LGR6: variants seen among roughly 807,000 people sequenced by gnomAD.
LGR6 encodes the protein leucine rich repeat containing G protein-coupled receptor 6.
Under a neutral mutation model 69.4 loss-of-function variants are expected in LGR6, and 45 were observed. The observed-to-expected ratio is 0.65, with a 90% CI of 0.51 to 0.83. The LOEUF (loss-of-function observed/expected upper bound fraction) is 0.83. LGR6 is among the 40% of genes least tolerant of loss of function. The pLI is 0.00. For synonymous variants in LGR6, 538 were observed against 555.0 expected (o/e 0.97, Z 0.43); for missense variants, 1,108 against 1,246.7 (o/e 0.89, Z 1.68).
intron 12 of LGR6, 48 bp from the exon 13 acceptor site, chr1:202,306,820 G>A (rs374371319): frequency 1.4e-5 from 22 of 1,562,422 alleles, no homozygotes; most frequent in Non-Finnish European, 1.9e-5. Flanking sequence ...ATGGAGCGGA[G>A]CCAGGGTCTG....
chr1:202,235,524 T>C (rs1384953195), intron 3 of LGR6, among the ~76,000 whole-genome samples: 1 of 152,196 alleles, frequency 6.6e-6, no homozygotes, highest in Non-Finnish European at 1.5e-5. Context: ...ACCTTTAGCC[T>C]TTCAGATGAA....
chr1:202,252,335 T>A (rs917347967), intron 4 of LGR6, among the ~76,000 whole-genome samples: 4 of 152,060 alleles, frequency 2.6e-5, no homozygotes, highest in African/African-American at 9.7e-5. Flanking sequence ...AATACAGCCC[T>A]CTCCTCCTCC....
At chr1:202,299,912 T>C (rs1210942578) in intron 7 of LGR6, among the ~76,000 whole-genome samples, 1 of 152,216 alleles carries the variant, frequency 6.6e-6, no homozygotes, top group Non-Finnish European at 1.5e-5. Context: ...TTTTCCCAAC[T>C]AACCAAACAC....
At chr1:202,212,317 G>T (rs1160178879) in intron 1 of LGR6, among the ~76,000 whole-genome samples, 1 of 152,178 alleles carries the variant, frequency 6.6e-6, no homozygotes, top group Non-Finnish European at 1.5e-5. Flanking sequence ...AAGGACAGGA[G>T]GAAGCCACAG....
At chr1:202,247,812 C>T (rs2148048319) in intron 4 of LGR6, among the ~76,000 whole-genome samples, 1 of 152,284 alleles carries the variant, frequency 6.6e-6, no homozygotes, top group East Asian at 1.9e-4. Context: ...TGGGAGTATC[C>T]TCAGAGAATC....
rs548676284 is a variant in LGR6 at position 202,193,909 on chromosome 1, G to A, written c.-81G>A. The A allele has an allele frequency of 4.2e-6, 4 of 943,226 alleles. No homozygotes were observed. In the South Asian group the frequency reaches 1.2e-4, roughly 28 times the overall value. 58.4% of individuals were successfully genotyped at this position (943,226 alleles called of 1,614,324 possible). On this transcript the variant is annotated 5_prime_UTR_variant, in exon 1 of 18. Coordinates refer to ENST00000367278, the MANE Select transcript of LGR6 (RefSeq NM_001017403.2). ...TCCCCACCGACGGTGCAGCCCGCCG[G>A]GACCGGGAGGAAGCAGCTGCGGCCA...
intron 4 of LGR6, 146 bp from the exon 5 acceptor site, chr1:202,276,160 A>G (rs890310551): frequency 7.1e-5 from 45 of 635,642 alleles, no homozygotes; most frequent in Middle Eastern, 8.5e-4. Flanking sequence ...AAGAGGCGGG[A>G]TACAGGATAC....
intron 1 of LGR6, among the ~76,000 whole-genome samples, chr1:202,203,380 G>A (rs747546171): frequency 3.3e-5 from 5 of 152,180 alleles, no homozygotes; most frequent in Non-Finnish European, 7.4e-5. Flanking sequence ...GAAGAACAGC[G>A]CAGTTCGGTA....
In LGR6 at chr1:202,319,028, G is replaced by A. The variant is rs759945217; in HGVS notation, c.2725G>A (p.Ala909Thr). The change falls in exon 18 of 18, where the codon GCC becomes ACC. Residue 909 changes from alanine (A) to threonine (T), a missense_variant. Transcript: ENST00000367278. ...CCTCATCTCCTGTCAGCAGCCAGGG[G>A]CCCCCAGGCTGGAGGGCAGCCATTG... Reference protein sequence around the residue: ...VTLISCQQPGAPRLEGSHCVE... With the variant: ...VTLISCQQPGTPRLEGSHCVE... The A allele has an allele frequency of 3.7e-6, 6 of 1,614,000 alleles. No homozygotes were observed. The highest frequency in any genetic ancestry group is 1.3e-5 in the African/African-American group (1 of 74,926).
rs151131659 is a variant in LGR6 at position 202,318,935 on chromosome 1, C to G, written c.2632C>G (p.Leu878Val). ...CCTGGTAGCCTTCTCTGATGTGGAT[C>G]TCATTCTGGAAGCTTCTGAAGCTGG... ...QALVAFSDVD[L>V]ILEASEAGRP... Residue 878 changes from leucine (L) to valine (V), a missense_variant, in exon 18 of 18, where the codon CTC becomes GTC. Leu to Val is a conservative substitution (Grantham distance 32). Coordinates refer to ENST00000367278, the MANE Select transcript of LGR6 (RefSeq NM_001017403.2). 4,901 of 1,614,012 alleles carry G rather than the reference C, an allele frequency of 3.0e-3. 9 individuals are homozygous for G. Among genetic ancestry groups the G allele is most frequent in the Non-Finnish European group, 3.7e-3 (4,376 of 1,179,934 alleles).
chr1:202,317,311 T>C (rs1654218589), intron 17 of LGR6, among the ~76,000 whole-genome samples: 1 of 151,624 alleles, frequency 6.6e-6, no homozygotes, highest in East Asian at 1.9e-4. Flanking sequence ...TTGTACTGTA[T>C]TAATTTGTAC....
rs537713517 is a variant in LGR6 at position 202,286,988 on chromosome 1, G to A, written c.716+6136G>A. On this transcript the variant is annotated intron_variant, in intron 6 of 17. Coordinates refer to ENST00000367278, the MANE Select transcript of LGR6 (RefSeq NM_001017403.2). ...CACTGTGAACTCTACCCCCTCTGCC[G>A]ACTGCTCCAGGCACCCCAGCCAGCT... Among the ~76,000 whole-genome samples the A allele has an allele frequency of 3.3e-5, 5 of 152,142 alleles. No individual in the cohort carries two copies. The East Asian group carries it at 7.7e-4, about 24-fold the overall frequency.
At chr1:202,244,147 T>TG (rs201539474) in intron 4 of LGR6, among the ~76,000 whole-genome samples, 4,587 of 152,026 alleles carry the variant, frequency 0.03, 227 homozygotes, top group African/African-American at 0.11. Context: ...TTAGTAGAGA[T>TG]GGGGTTTCAC....
intron 5 of LGR6, among the ~76,000 whole-genome samples, chr1:202,278,452 A>G (rs1187428496): frequency 2.6e-5 from 4 of 152,258 alleles, no homozygotes; most frequent in African/African-American, 7.2e-5. Flanking sequence ...ACAAGGAGGG[A>G]CAAGGGACTA....
intron 1 of LGR6, among the ~76,000 whole-genome samples, chr1:202,204,460 C>T (rs1287073621): frequency 1.4e-5 from 1 of 69,790 alleles, no homozygotes; most frequent in South Asian, 5.0e-4. Flanking sequence ...CACACACACA[C>T]CTCCACACAC....
At chr1:202,270,655 C>G (rs1012734195) in intron 4 of LGR6, among the ~76,000 whole-genome samples, 1 of 152,142 alleles carries the variant, frequency 6.6e-6, no homozygotes, top group Non-Finnish European at 1.5e-5. Flanking sequence ...CCTTCAGGCT[C>G]TGACACAGTG....
chr1:202,228,445 C>T (rs533809023), intron 3 of LGR6, among the ~76,000 whole-genome samples: 4 of 152,282 alleles, frequency 2.6e-5, no homozygotes, highest in Non-Finnish European at 4.4e-5. Flanking sequence ...TCTGTGGCTG[C>T]AGTACTGAGT....
intron 1 of LGR6, among the ~76,000 whole-genome samples, chr1:202,204,748 A>C (rs1457972909): frequency 2.3e-5 from 2 of 87,130 alleles, no homozygotes; most frequent in African/African-American, 5.1e-5. Flanking sequence ...CACACCTCCA[A>C]ACACACACAC....
At chr1:202,280,701 C>T (rs1665934199) in intron 5 of LGR6, 80 bp from the exon 6 acceptor site, 18 of 1,247,192 alleles carry the variant, frequency 1.4e-5, no homozygotes, top group Non-Finnish European at 2.0e-5. Context: ...TACACTTTCC[C>T]CATGCCACCA....
Sources: allele counts gnomAD v4.1 joint callset (sites outside exome capture counted in the v4.1 genomes callset), GRCh38; gene constraint gnomAD v4.1.1; transcripts MANE v1.5; gene names NCBI Gene and HGNC (gene_info 2026-07-23, HGNC 2026-07-21).